The following ZC3H18 variants were observed in gnomAD, a reference collection of about 807,000 sequenced individuals.
ZC3H18 encodes zinc finger CCCH domain-containing protein 18.
Under a neutral mutation model 106.1 loss-of-function variants are expected in ZC3H18, and 8 were observed. The ratio of observed to expected loss-of-function variants is 0.08; its 90% confidence interval spans 0.04 to 0.14. ZC3H18 has a LOEUF of 0.14. Among genes scored for constraint, ZC3H18 ranks in the 10% least tolerant of loss-of-function variants. The pLI is 1.00. For synonymous variants in ZC3H18, 635 were observed against 522.1 expected, an observed-to-expected ratio of 1.22 and a Z score of -2.95; for missense variants, 1,318 against 1,278.4, an observed-to-expected ratio of 1.03 and a Z score of -0.47.
At chr16:88,590,447 A>C (rs182271357) in intron 3 of ZC3H18, among the ~76,000 whole-genome samples, 1 of 151,970 alleles carries the variant, frequency 6.6e-6, no homozygotes, top group Admixed American at 6.5e-5. Flanking sequence ...GTACTTCTTC[A>C]TGGGATGTTT....
intron 3 of ZC3H18, among the ~76,000 whole-genome samples, chr16:88,596,507 G>C (rs1904445944): frequency 6.6e-6 from 1 of 151,988 alleles, no homozygotes; most frequent in Non-Finnish European, 1.5e-5. Flanking sequence ...TGGCATGGTG[G>C]TACCCGCCTG....
chr16:88,621,164 C>T (rs936971757), intron 8 of ZC3H18, among the ~76,000 whole-genome samples: 1 of 152,190 alleles, frequency 6.6e-6, no homozygotes, highest in Non-Finnish European at 1.5e-5. Flanking sequence ...CCTGCCTCAG[C>T]TTCCCAAGTA....
chr16:88,614,675 A>C (rs117328599), intron 8 of ZC3H18, among the ~76,000 whole-genome samples: 114 of 152,378 alleles, frequency 7.5e-4, no homozygotes, highest in Non-Finnish European at 1.2e-3. Flanking sequence ...TTTATGTTAC[A>C]GTAATCTCTA....
intron 10 of ZC3H18, 143 bp downstream of exon 10, chr16:88,623,487 C>T (rs1597358150): frequency 6.1e-6 from 7 of 1,149,536 alleles, no homozygotes; most frequent in African/African-American, 3.1e-5. Context: ...GCCAGGGGGT[C>T]GTGTCCTGTG....
rs1435896171 is a variant in ZC3H18, at chr16:88,631,698, C to T, written c.*399C>T. The stretch of plus-strand genomic sequence containing the variant: ...CTCCCTCCTGAGCTGAGAAACGGAA[C>T]CTCGCGAACCACTGGTGGCACATCC... On this transcript the variant is annotated 3_prime_UTR_variant, in exon 18 of 18. Coordinates refer to ENST00000301011, the MANE Select transcript of ZC3H18 (RefSeq NM_144604.4). 2.2e-6 allele frequency: 1 copy of T among 453,364 alleles called. No individual in the cohort carries two copies. Among genetic ancestry groups the T allele is most frequent in the Non-Finnish European group, 4.4e-6 (1 of 228,750 alleles). The allele number at this position is 453,364 out of a possible 1,614,324, so 28.1% of individuals were successfully genotyped here.
intron 6 of ZC3H18, among the ~76,000 whole-genome samples, chr16:88,601,064 T>G (rs1282502672): frequency 6.6e-6 from 1 of 152,236 alleles, no homozygotes; most frequent in Non-Finnish European, 1.5e-5. Context: ...AAGGCCCTTC[T>G]CAAGGCCTTC....
intron 16 of ZC3H18, chr16:88,630,076 C>A (rs534146723): frequency 2.8e-5 from 5 of 177,622 alleles, no homozygotes; most frequent in Middle Eastern, 2.7e-3. Flanking sequence ...AGTGGCCCCC[C>A]CCTCGGTTGC....
At chr16:88,613,900 C>T (rs1422608364) in intron 8 of ZC3H18, among the ~76,000 whole-genome samples, 1 of 152,086 alleles carries the variant, frequency 6.6e-6, no homozygotes, top group African/African-American at 2.4e-5. Flanking sequence ...GTCTTTGATC[C>T]AGGCTGGGTG....
At chr16:88,607,621 C>T (rs546387231) in intron 6 of ZC3H18, among the ~76,000 whole-genome samples, 1 of 152,206 alleles carries the variant, frequency 6.6e-6, no homozygotes, top group South Asian at 2.1e-4. Flanking sequence ...CTTCATGTCT[C>T]TCAGGCGTCT....
At chr16:88,581,870 C>G (rs990059884) in intron 2 of ZC3H18, among the ~76,000 whole-genome samples, 1 of 152,238 alleles carries the variant, frequency 6.6e-6, no homozygotes, top group East Asian at 1.9e-4. Context: ...TTTGCCGTTA[C>G]AGTTGAGAGG....
intron 13 of ZC3H18, chr16:88,625,512 G>A (rs185082903): frequency 5.6e-6 from 3 of 539,056 alleles, no homozygotes; most frequent in Non-Finnish European, 1.0e-5. Context: ...GGGCACTCAG[G>A]TCAGGAGGAG....
At chr16:88,602,669 A>G (rs1340131456) in intron 6 of ZC3H18, among the ~76,000 whole-genome samples, 3 of 152,162 alleles carry the variant, frequency 2.0e-5, no homozygotes, top group Non-Finnish European at 4.4e-5. Flanking sequence ...TTTATTTCCT[A>G]ATGTCGAGAG....
chr16:88,623,213 C>A lies in ZC3H18; in HGVS notation c.1668-6C>A. On this transcript the variant is annotated splice_region_variant and splice_polypyrimidine_tract_variant and intron_variant, in intron 9 of 17. Transcript: ENST00000301011. ...TTCTCGCCACGCTCCGTCCCGCCCG[C>A]CCCAGGTCGTCTTCGCGGTCATCGT... is the stretch of plus-strand genomic sequence containing the variant. The A allele has an allele frequency of 6.2e-7, 1 of 1,611,996 alleles. No homozygotes were observed.
intron 12 of ZC3H18, among the ~76,000 whole-genome samples, chr16:88,624,952 G>A (rs1169157798): frequency 6.6e-6 from 1 of 152,212 alleles, no homozygotes; most frequent in Non-Finnish European, 1.5e-5. Context: ...AAGGGGAAGG[G>A]ACAGCGTGGC....
chr16:88,625,282 C>T lies in ZC3H18; in HGVS notation c.2108+15C>T, dbSNP rs1317634647. ...TCCCGATCCAGGTCATCCCCATCAC[C>T]CTGTGCCTCTGTTTCTCCCTCCCCG... On this transcript the variant is annotated intron_variant, in intron 13 of 17. Coordinates refer to ENST00000301011, the MANE Select transcript of ZC3H18 (RefSeq NM_144604.4). The T allele has an allele frequency of 6.3e-7, 1 of 1,578,364 alleles. No individual in the cohort carries two copies. Among genetic ancestry groups the T allele is most frequent in the Non-Finnish European group, 8.6e-7 (1 of 1,162,104 alleles).
chr16:88,597,073 A>G (rs1204627264), intron 3 of ZC3H18, among the ~76,000 whole-genome samples: 1 of 152,176 alleles, frequency 6.6e-6, no homozygotes. Flanking sequence ...GGCACCTGCC[A>G]CCACGTCCGG....
chr16:88,621,674 T>G (rs1432072497), intron 8 of ZC3H18, among the ~76,000 whole-genome samples: 1 of 151,928 alleles, frequency 6.6e-6, no homozygotes, highest in Non-Finnish European at 1.5e-5. Context: ...GTATTTTTAA[T>G]AGAGACAGGT....
At chr16:88,590,684 C>T (rs1345399245) in intron 3 of ZC3H18, among the ~76,000 whole-genome samples, 5 of 148,982 alleles carry the variant, frequency 3.4e-5, no homozygotes, top group African/African-American at 9.9e-5. Flanking sequence ...CTCAGACTCC[C>T]GAGTAGCTGC....
chr16:88,624,291 G>T, intron 11 of ZC3H18: 1 of 678,432 alleles, frequency 1.5e-6, no homozygotes, highest in Non-Finnish European at 2.4e-6. Flanking sequence ...ACAGAGCACA[G>T]CCCTGGGGAC....
Sources: gnomAD v4.1 joint callset for allele counts (sites outside exome capture counted in the v4.1 genomes callset) on GRCh38, gnomAD v4.1.1 for gene constraint, MANE v1.5 for transcripts, NCBI Gene and HGNC (gene_info 2026-07-23, HGNC 2026-07-21) for gene names.